ADAM12: variants seen among roughly 807,000 people sequenced by gnomAD.
The protein encoded by ADAM12 is disintegrin and metalloproteinase domain-containing protein 12.
Under a neutral mutation model 106.4 loss-of-function variants are expected in ADAM12, and 70 were observed. That is an observed-to-expected ratio of 0.66 (90% CI 0.54 to 0.80). The LOEUF (loss-of-function observed/expected upper bound fraction) is 0.80, where lower values mean the gene tolerates loss of function less well. ADAM12 is among the 30% of genes least tolerant of loss of function. The probability of loss-of-function intolerance (pLI) is 0.00; values close to 1 mark genes in which losing one functional copy is unlikely to be tolerated. For missense variants in ADAM12, 1,010 were observed against 1,171.9 expected, an observed-to-expected ratio of 0.86 and a Z score of 2.02; for synonymous variants, 420 against 433.5, an observed-to-expected ratio of 0.97 and a Z score of 0.39.
At chr10:126,100,585 T>C (rs1462455496) in intron 9 of ADAM12, among the ~76,000 whole-genome samples, 2 of 149,748 alleles carry the variant, frequency 1.3e-5, no homozygotes, top group Non-Finnish European at 3.0e-5. Context: ...CGTGGTGGCG[T>C]GTGCCTGTAA....
rs77297117 is a variant in ADAM12, at chr10:126,049,389, T to C, written c.1781A>G (p.Asn594Ser). The change falls in exon 16 of 23, where the codon AAT becomes AGT. Residue 594 changes from asparagine to serine, a missense_variant. Physicochemically the swap from Asn to Ser is conservative, Grantham distance 46. This residue lies in a region of ADAM12 where 615 missense variants were observed against 708.5 expected (regional missense o/e 0.87). Transcript: ENST00000448723. The surrounding 1 kb of genome is among the most constrained non-coding windows in gnomAD (Gnocchi z 4.4). The part of the protein sequence containing the change: ...GGASRPVIGT[N>S]AVSIETNIPL... The stretch of plus-strand genomic sequence containing the variant: ...GATGTTTGTTTCTATGGAAACGGCA[T>C]TGGTACCAATGACTGGCCGGCTGGC... The C allele has an allele frequency of 3.0e-3, 4,872 of 1,614,200 alleles. 21 individuals carry two copies. The highest frequency in any genetic ancestry group is 5.9e-3 in the South Asian group (535 of 91,084).
rs1953673565 is a variant in ADAM12, at chr10:126,017,080, TTAA to T, written c.*196_*198del. The stretch of plus-strand genomic sequence containing the variant: ...CACTGTAATCAACATTCTGCATAAA[TTAA>T]TAATTTACAAGTACCTGAGCAAGTA... On this transcript the variant is annotated 3_prime_UTR_variant, in exon 23 of 23. Coordinates refer to ENST00000448723, the MANE Select transcript of ADAM12 (RefSeq NM_001288973.2). 1.9e-6 allele frequency: 1 copy of T among 539,690 alleles called. No individual in the cohort carries two copies. The allele number at this position is 539,690 out of a possible 1,614,324, so 33.4% of individuals were successfully genotyped here.
At chr10:126,095,855 G>A (rs961367642) in intron 10 of ADAM12, among the ~76,000 whole-genome samples, 8 of 152,120 alleles carry the variant, frequency 5.3e-5, no homozygotes, top group Non-Finnish European at 1.0e-4. Context: ...CCAGTTTCAA[G>A]TATTCTGTTA....
intron 1 of ADAM12, among the ~76,000 whole-genome samples, chr10:126,335,027 A>G (rs1234219765): frequency 6.6e-6 from 1 of 152,246 alleles, no homozygotes; most frequent in East Asian, 1.9e-4. Context: ...AAGTCAACAC[A>G]GTAAAGCGCT....
At chr10:126,207,050 C>T (rs1177049964) in intron 3 of ADAM12, among the ~76,000 whole-genome samples, 1 of 152,142 alleles carries the variant, frequency 6.6e-6, no homozygotes, top group Non-Finnish European at 1.5e-5. Context: ...TGTGTGGCCT[C>T]CCCAGCCATG....
intron 11 of ADAM12, among the ~76,000 whole-genome samples, chr10:126,082,491 C>T (rs2133532282): frequency 6.6e-6 from 1 of 150,634 alleles, no homozygotes; most frequent in South Asian, 2.1e-4. Context: ...GCCTCAGCTT[C>T]CTGAGTAGCT....
At chr10:126,292,545 A>G (rs1333811128) in intron 2 of ADAM12, among the ~76,000 whole-genome samples, 2 of 152,212 alleles carry the variant, frequency 1.3e-5, no homozygotes, top group Non-Finnish European at 2.9e-5. Context: ...TACAAAGCCA[A>G]GGTTCCTGAG....
At chr10:126,057,403 A>AC (rs1203162760) in intron 14 of ADAM12, among the ~76,000 whole-genome samples, 1,294 of 33,126 alleles carry the variant, frequency 0.039, 392 homozygotes, top group African/African-American at 0.1. Context: ...AAAAAAACAA[A>AC]AAAAAAAAAC....
intron 5 of ADAM12, among the ~76,000 whole-genome samples, chr10:126,118,502 A>C (rs1956028854): frequency 6.6e-6 from 1 of 152,140 alleles, no homozygotes; most frequent in Admixed American, 6.6e-5. Flanking sequence ...ATCTCTTTTT[A>C]TGTCTCAAAG....
At chr10:126,214,165 A>T (rs1387447784) in intron 3 of ADAM12, among the ~76,000 whole-genome samples, 4 of 152,208 alleles carry the variant, frequency 2.6e-5, no homozygotes. Context: ...AACAAGAAGG[A>T]AGAAGCTTAC....
At chr10:126,039,834 T>G (rs1265402129) in intron 18 of ADAM12, among the ~76,000 whole-genome samples, 1 of 152,216 alleles carries the variant, frequency 6.6e-6, no homozygotes, top group Non-Finnish European at 1.5e-5. Context: ...GATTTGCCAT[T>G]CCAAAGTGCT....
chr10:126,210,377 C>G (rs1025432147), intron 3 of ADAM12, among the ~76,000 whole-genome samples: 1 of 152,212 alleles, frequency 6.6e-6, no homozygotes, highest in Non-Finnish European at 1.5e-5. Context: ...CAATTTCTTC[C>G]TCACTGCTCT....
chr10:126,153,783 C>T (rs889595815), intron 4 of ADAM12, among the ~76,000 whole-genome samples: 1 of 152,114 alleles, frequency 6.6e-6, no homozygotes, highest in Non-Finnish European at 1.5e-5. Flanking sequence ...TTTGGGTTGG[C>T]TTATGTCTGG....
chr10:126,227,392 C>T (rs1958218589), intron 3 of ADAM12, among the ~76,000 whole-genome samples: 1 of 152,194 alleles, frequency 6.6e-6, no homozygotes, highest in African/African-American at 2.4e-5. Flanking sequence ...ATCATTTTCT[C>T]TTCATCATCA....
chr10:126,287,155 G>A (rs890961298), intron 2 of ADAM12, among the ~76,000 whole-genome samples: 1 of 152,184 alleles, frequency 6.6e-6, no homozygotes, highest in Non-Finnish European at 1.5e-5. Flanking sequence ...TATAGCCAGA[G>A]CATCTTAAAG....
intron 11 of ADAM12, among the ~76,000 whole-genome samples, chr10:126,088,461 G>T (rs1055402900): frequency 1.3e-5 from 2 of 151,922 alleles, no homozygotes; most frequent in African/African-American, 4.8e-5. Flanking sequence ...AGCACTACGG[G>T]AGGCTGAGGC....
Position 126,108,590 on chromosome 10 carries a change from T to C in ADAM12, c.741+3A>G, listed in dbSNP as rs1174401738. On this transcript the variant is annotated splice_donor_region_variant and intron_variant, in intron 8 of 22. Transcript: ENST00000448723. ...ATGATTTAACTACTGAAAAAGAACT[T>C]ACCTTGTCAACGTGATTAGCAATCT... 14 of 1,612,864 alleles carry C rather than the reference T, an allele frequency of 8.7e-6. No homozygotes were observed. Among genetic ancestry groups the C allele is most frequent in the Non-Finnish European group, 1.2e-5 (14 of 1,178,918 alleles).
chr10:126,338,245 C>CTTT lies in ADAM12; in HGVS notation c.89-7737_89-7736insAAA, dbSNP rs1854780488. ...CAAAGTCACTTACAACAGTAACTTACATTTTTTTTTTTTTTTTTTTTTTTT... is the reference window on the plus strand; with the variant it reads ...CAAAGTCACTTACAACAGTAACTTACTTTATTTTTTTTTTTTTTTTTTTTTTTT... On this transcript the variant is annotated intron_variant, in intron 1 of 22. Transcript: ENST00000448723. Among the ~76,000 whole-genome samples, 22 of 106,336 alleles carry CTTT rather than the reference C, an allele frequency of 2.1e-4. 1 individual carries two copies. Among genetic ancestry groups the CTTT allele is most frequent in the African/African-American group, 8.1e-4 (22 of 27,174 alleles). The allele number at this position is 106,336 out of a possible 152,430, so 69.8% of individuals were successfully genotyped here.
chr10:126,106,422 TCACTTCCC>T (rs1955769003), intron 8 of ADAM12, among the ~76,000 whole-genome samples: 1 of 151,534 alleles, frequency 6.6e-6, no homozygotes, highest in Non-Finnish European at 1.5e-5. Context: ...CTTGTCCTTC[TCACTTCCC>T]CACTTCCCCT....
Sources: allele counts gnomAD v4.1 joint callset (sites outside exome capture counted in the v4.1 genomes callset), GRCh38; gene constraint gnomAD v4.1.1; regional missense constraint gnomAD v4.1.1; non-coding constraint Gnocchi (gnomAD v3.1); transcripts MANE v1.5; gene names NCBI Gene and HGNC (gene_info 2026-07-23, HGNC 2026-07-21).